Variants in EMC2 observed in about 807,000 individuals in gnomAD.
EMC2 encodes the protein ER membrane protein complex subunit 2.
In EMC2, 37 loss-of-function variants were observed where a neutral mutation model predicts 51.6. The ratio of observed to expected loss-of-function variants is 0.72; its 90% CI spans 0.55 to 0.94. EMC2 has a LOEUF of 0.94. Ranked by LOEUF, EMC2 falls within the 40% of genes least tolerant of loss-of-function variation. The pLI is 0.00. For missense variants in EMC2, 359 were observed against 350.9 expected (o/e 1.02, Z -0.18); for synonymous variants, 131 against 112.4 (o/e 1.17, Z -1.04).
At chr8:108,456,359 A>AAAAAAAAAAAAAAAAAAAC (rs1819158373) in intron 5 of EMC2, among the ~76,000 whole-genome samples, 2 of 149,956 alleles carry the variant, frequency 1.3e-5, no homozygotes, top group African/African-American at 4.9e-5. Context: ...AAAAAAAAAA[A>AAAAAAAAAAAAAAAAAAAC]AACAACTTCT....
intron 1 of EMC2, among the ~76,000 whole-genome samples, chr8:108,446,469 A>C (rs188686153): frequency 1.4e-3 from 217 of 152,292 alleles, no homozygotes; most frequent in African/African-American, 4.6e-3. Flanking sequence ...ATAGCAGTGG[A>C]AATAGAGTAG....
chr8:108,479,092 A>G lies in EMC2; in HGVS notation c.789A>G (p.Gln263=). The change falls in exon 10 of 11, where the codon CAA becomes CAG. Residue 263 remains glutamine (Q), a synonymous_variant. Coordinates refer to ENST00000220853, the MANE Select transcript of EMC2 (RefSeq NM_014673.5). Reference sequence around the variant, plus strand: ...AATATGCTAGTTGGGCAGCTAGTCAAATAAACAGAGCTTATCAGGTTAGTA... The same window carrying G: ...AATATGCTAGTTGGGCAGCTAGTCAGATAAACAGAGCTTATCAGGTTAGTA... ...NMKYASWAAS[Q]INRAYQFAGR... is the part of the protein sequence containing the mutation. 4 of 1,575,140 alleles carry G rather than the reference A, an allele frequency of 2.5e-6. No homozygotes were observed. Among genetic ancestry groups the G allele is most frequent in the Non-Finnish European group, 3.5e-6 (4 of 1,158,972 alleles).
At chr8:108,472,868 G>A (rs1810882369) in intron 7 of EMC2, among the ~76,000 whole-genome samples, 1 of 151,884 alleles carries the variant, frequency 6.6e-6, no homozygotes, top group Admixed American at 6.6e-5. Context: ...AGCTTTGGTA[G>A]CCTATATCTA....
chr8:108,450,888 A>G (rs1485948072), intron 3 of EMC2, among the ~76,000 whole-genome samples: 1 of 152,236 alleles, frequency 6.6e-6, no homozygotes, highest in East Asian at 1.9e-4. Flanking sequence ...ATCCCGACGT[A>G]TAGAACATAA....
intron 10 of EMC2, among the ~76,000 whole-genome samples, chr8:108,482,651 C>G (rs1345444545): frequency 6.6e-6 from 1 of 152,040 alleles, no homozygotes; most frequent in Non-Finnish European, 1.5e-5. Flanking sequence ...GTGGCATGAT[C>G]ATGGCTCACT....
At chr8:108,453,757 G>A (rs1254526916) in intron 4 of EMC2, among the ~76,000 whole-genome samples, 1 of 152,072 alleles carries the variant, frequency 6.6e-6, no homozygotes, top group Non-Finnish European at 1.5e-5. Context: ...GTGCTGTACA[G>A]TTTAACTGTG....
chr8:108,484,751 G>A (rs1009214475), intron 10 of EMC2, among the ~76,000 whole-genome samples: 1 of 151,790 alleles, frequency 6.6e-6, no homozygotes, highest in African/African-American at 2.4e-5. Flanking sequence ...TTCATAAATG[G>A]TGGTAAATGA....
At chr8:108,452,281 G>C (rs529735856) in intron 3 of EMC2, among the ~76,000 whole-genome samples, 1 of 152,104 alleles carries the variant, frequency 6.6e-6, no homozygotes, top group African/African-American at 2.4e-5. Flanking sequence ...AAGGATGATT[G>C]ATTGGCTGGG....
chr8:108,483,419 A>C (rs1811081528), intron 10 of EMC2, among the ~76,000 whole-genome samples: 1 of 152,110 alleles, frequency 6.6e-6, no homozygotes, highest in African/African-American at 2.4e-5. Context: ...ACAGACAAGC[A>C]CTGATCTGAT....
intron 5 of EMC2, among the ~76,000 whole-genome samples, chr8:108,466,269 T>A (rs909361779): frequency 5.3e-5 from 8 of 152,044 alleles, no homozygotes; most frequent in Admixed American, 2.6e-4. Context: ...TTAATACACG[T>A]GACAACCAGC....
At chr8:108,479,940 A>T (rs999096120) in intron 10 of EMC2, among the ~76,000 whole-genome samples, 1 of 152,076 alleles carries the variant, frequency 6.6e-6, no homozygotes, top group Non-Finnish European at 1.5e-5. Context: ...GTCAGGAAAT[A>T]TGATGCCGTC....
chr8:108,476,755 T>A (rs1047679397), intron 8 of EMC2, 27 bp from the exon 9 acceptor site: 7 of 991,886 alleles, frequency 7.1e-6, no homozygotes, highest in Non-Finnish European at 1.1e-5. Context: ...AAATAAACAG[T>A]TTTCAGCACT....
chr8:108,481,356 A>G lies in EMC2; in HGVS notation c.807+2246A>G, dbSNP rs576465081. Among the ~76,000 whole-genome samples, 4 of 152,216 alleles carry G rather than the reference A, an allele frequency of 2.6e-5. No individual in the cohort carries two copies. The East Asian group carries it at 7.7e-4, about 29-fold the overall frequency. ...ATTCTAAGTCAGAGTATTTATAAAT[A>G]TTAGTGAGACTGTGCTTCTTCAAAT... On this transcript the variant is annotated intron_variant, in intron 10 of 10. Transcript: ENST00000220853.
chr8:108,459,599 C>T (rs1819257030), intron 5 of EMC2, among the ~76,000 whole-genome samples: 1 of 152,078 alleles, frequency 6.6e-6, no homozygotes, highest in African/African-American at 2.4e-5. Context: ...GAAAGACACG[C>T]CCCATAATTC....
chr8:108,456,382 A>G (rs1819160502), intron 5 of EMC2, among the ~76,000 whole-genome samples: 2 of 150,398 alleles, frequency 1.3e-5, no homozygotes, highest in Admixed American at 1.3e-4. Context: ...AAGATACCGT[A>G]TTAGAGAAGG....
chr8:108,452,532 A>G (rs1563691666), intron 3 of EMC2, among the ~76,000 whole-genome samples: 1 of 152,210 alleles, frequency 6.6e-6, no homozygotes. Context: ...GTGCCACTGC[A>G]TTCTAACCTG....
intron 10 of EMC2, among the ~76,000 whole-genome samples, chr8:108,481,766 A>T (rs1314725921): frequency 1.3e-5 from 2 of 151,996 alleles, no homozygotes; most frequent in Non-Finnish European, 2.9e-5. Context: ...CCTTAAGAGT[A>T]CTCACTTATA....
chr8:108,480,216 G>C (rs1811021802), intron 10 of EMC2, among the ~76,000 whole-genome samples: 1 of 151,674 alleles, frequency 6.6e-6, no homozygotes, highest in South Asian at 2.1e-4. Flanking sequence ...ATTTTTCTAT[G>C]TCCTTTATTC....
At chr8:108,446,873 T>C (rs1341069614) in intron 1 of EMC2, among the ~76,000 whole-genome samples, 1 of 152,110 alleles carries the variant, frequency 6.6e-6, no homozygotes, top group Admixed American at 6.5e-5. Flanking sequence ...CTATGTAAGG[T>C]GTATAGCTTA....
Sources: allele counts gnomAD v4.1 joint callset (sites outside exome capture counted in the v4.1 genomes callset), GRCh38; gene constraint gnomAD v4.1.1; transcripts MANE v1.5; gene names NCBI Gene and HGNC (gene_info 2026-07-23, HGNC 2026-07-21).